The following GUCY1A2 variants were observed in gnomAD, a reference collection of about 807,000 sequenced individuals.
The protein encoded by GUCY1A2 is guanylate cyclase soluble subunit alpha-2.
Under a neutral mutation model 63.5 loss-of-function variants are expected in GUCY1A2, and 27 were observed. The observed-to-expected ratio is 0.43, with a 90% CI of 0.31 to 0.59. The LOEUF is 0.59. Ranked by LOEUF, GUCY1A2 falls within the 20% of genes least tolerant of loss-of-function variation. The pLI, the probability that GUCY1A2 is intolerant of heterozygous loss-of-function variation, is 0.11. For synonymous variants in GUCY1A2, 364 were observed against 343.5 expected (o/e 1.06, Z -0.66); for missense variants, 768 against 913.3 (o/e 0.84, Z 2.05).
At chr11:106,726,708 A>G (rs1483254113) in intron 6 of GUCY1A2, among the ~76,000 whole-genome samples, 1 of 152,172 alleles carries the variant, frequency 6.6e-6, no homozygotes, top group Non-Finnish European at 1.5e-5. Flanking sequence ...TAAAGACAAG[A>G]GATAGCATTA....
rs775759278 is a variant in GUCY1A2 at position 106,782,883 on chromosome 11, G to GACAT, written c.1693-6305_1693-6302dup. On this transcript the variant is annotated intron_variant, in intron 5 of 7. Transcript: ENST00000526355. ...CCTCTACTTTTTATCCTTCACTTCA[G>GACAT]ACATACACAGCAACTTGCCACTGTT... is the stretch of plus-strand genomic sequence containing the variant. 1.6e-3 allele frequency among the ~76,000 whole-genome samples: 247 copies of GACAT among 152,244 alleles called. 3 individuals are homozygous for GACAT. The highest frequency in any genetic ancestry group is 1.5e-3 in the East Asian group (8 of 5,178).
At chr11:106,736,897 T>C (rs1447306957) in intron 6 of GUCY1A2, among the ~76,000 whole-genome samples, 3 of 152,160 alleles carry the variant, frequency 2.0e-5, no homozygotes, top group Non-Finnish European at 4.4e-5. Flanking sequence ...TGCTTGTTTC[T>C]GATGATCAGG....
At chr11:106,976,888 C>T (rs187489994) in intron 3 of GUCY1A2, among the ~76,000 whole-genome samples, 6 of 152,226 alleles carry the variant, frequency 3.9e-5, no homozygotes, top group Admixed American at 3.3e-4. Context: ...GGGCAACCTT[C>T]GAAGGGCAAC....
intron 4 of GUCY1A2, among the ~76,000 whole-genome samples, chr11:106,877,259 T>A (rs568202495): frequency 4.7e-4 from 71 of 152,078 alleles, no homozygotes; most frequent in Non-Finnish European, 8.2e-4. Flanking sequence ...GATCAAGTCA[T>A]CTGCAAACAG....
chr11:106,876,094 C>G (rs1859744900), intron 4 of GUCY1A2, among the ~76,000 whole-genome samples: 1 of 151,874 alleles, frequency 6.6e-6, no homozygotes, highest in African/African-American at 2.4e-5. Flanking sequence ...GTATCTTCCC[C>G]CTTGGAAGAA....
intron 4 of GUCY1A2, among the ~76,000 whole-genome samples, chr11:106,925,683 C>T (rs943415487): frequency 3.9e-5 from 6 of 152,128 alleles, no homozygotes; most frequent in African/African-American, 1.4e-4. Context: ...GATAAGCAAT[C>T]TTGAGACTCC....
In GUCY1A2 at chr11:106,687,475, T is replaced by G; in HGVS notation, c.*74A>C. 1 of 1,065,680 alleles carries G rather than the reference T, an allele frequency of 9.4e-7. No individual in the cohort carries two copies. Among genetic ancestry groups the G allele is most frequent in the South Asian group, 1.3e-5 (1 of 76,496 alleles). 66.0% of individuals were successfully genotyped at this position (1,065,680 alleles called of 1,614,324 possible). A position where few individuals can be genotyped will look rare whatever the true frequency, so the allele number is the denominator to read the frequency against. On this transcript the variant is annotated 3_prime_UTR_variant, in exon 8 of 8. Coordinates refer to ENST00000526355, the MANE Select transcript of GUCY1A2 (RefSeq NM_000855.3). ...ACAAAGCAATGAAAGAGACACAATC[T>G]CTTTCCACCCCCCATTGGTGACCCA... is the stretch of plus-strand genomic sequence containing the variant.
At chr11:106,920,804 T>C (rs1006414910) in intron 4 of GUCY1A2, among the ~76,000 whole-genome samples, 1 of 152,102 alleles carries the variant, frequency 6.6e-6, no homozygotes, top group Non-Finnish European at 1.5e-5. Flanking sequence ...AAAATCATAT[T>C]TCCTTTTTAA....
At chr11:106,983,992 C>A (rs902117890) in intron 2 of GUCY1A2, among the ~76,000 whole-genome samples, 1 of 152,032 alleles carries the variant, frequency 6.6e-6, no homozygotes, top group Non-Finnish European at 1.5e-5. Flanking sequence ...GCTCTGCTTT[C>A]TTGATTGTGA....
intron 4 of GUCY1A2, among the ~76,000 whole-genome samples, chr11:106,818,656 G>C (rs1858861701): frequency 1.3e-5 from 2 of 152,112 alleles, no homozygotes; most frequent in Non-Finnish European, 2.9e-5. Flanking sequence ...CATGTCGAAA[G>C]CTGAGATAAG....
chr11:106,975,804 C>A (rs1163831250), intron 3 of GUCY1A2, among the ~76,000 whole-genome samples: 2 of 152,064 alleles, frequency 1.3e-5, no homozygotes. Context: ...CCCAGGGAGT[C>A]CCATGGAAGA....
At chr11:106,725,091 T>C (rs1863381476) in intron 6 of GUCY1A2, among the ~76,000 whole-genome samples, 1 of 151,828 alleles carries the variant, frequency 6.6e-6, no homozygotes, top group South Asian at 2.1e-4. Flanking sequence ...ATCCTTTATT[T>C]TGGTAGAGAA....
rs1007924617 is a variant in GUCY1A2, at chr11:106,678,135, C to T, written c.*9414G>A. ...AATTAAAGAATTTTTCTAAAAGTCC[C>T]CCTGAATTACTTTAGATAATTATAC... On this transcript the variant is annotated 3_prime_UTR_variant, in exon 8 of 8. Transcript: ENST00000526355. The T allele has an allele frequency of 1.4e-4, 27 of 197,014 alleles. No individual in the cohort carries two copies. Among genetic ancestry groups the T allele is most frequent in the Non-Finnish European group, 2.3e-4 (22 of 95,024 alleles). The allele number at this position is 197,014 out of a possible 1,614,324, so 12.2% of individuals were successfully genotyped here. A position where few individuals can be genotyped will look rare whatever the true frequency, so the allele number is the denominator to read the frequency against.
intron 6 of GUCY1A2, among the ~76,000 whole-genome samples, chr11:106,772,478 A>T (rs1864275130): frequency 6.6e-6 from 1 of 152,202 alleles, no homozygotes; most frequent in African/African-American, 2.4e-5. Flanking sequence ...ATGAAAAATA[A>T]TCCCAAATCA....
At chr11:106,691,583 A>AAAGAAGAT (rs1862626256) in intron 7 of GUCY1A2, among the ~76,000 whole-genome samples, 1 of 152,200 alleles carries the variant, frequency 6.6e-6, no homozygotes, top group Non-Finnish European at 1.5e-5. Context: ...TAAATGACTG[A>AAAGAAGAT]AAGAAGATGG....
chr11:106,944,271 C>G (rs72994113), intron 3 of GUCY1A2, among the ~76,000 whole-genome samples: 28,908 of 126,218 alleles, frequency 0.23, 3,175 homozygotes, highest in African/African-American at 0.28. Flanking sequence ...ATGCCTAAAC[C>G]CTGTCTTTAC....
At chr11:106,971,412 C>A (rs1303521172) in intron 3 of GUCY1A2, among the ~76,000 whole-genome samples, 2 of 152,016 alleles carry the variant, frequency 1.3e-5, no homozygotes, top group Non-Finnish European at 2.9e-5. Context: ...CTACATACTC[C>A]CAAACTGCCC....
At chr11:106,888,265 T>C (rs972677947) in intron 4 of GUCY1A2, among the ~76,000 whole-genome samples, 1 of 151,574 alleles carries the variant, frequency 6.6e-6, no homozygotes, top group Admixed American at 6.6e-5. Context: ...GAGACCATCC[T>C]GGCTAACACC....
intron 4 of GUCY1A2, among the ~76,000 whole-genome samples, chr11:106,839,375 A>T (rs1016181165): frequency 1.3e-5 from 2 of 151,944 alleles, no homozygotes; most frequent in African/African-American, 4.8e-5. Context: ...GCTGGAGGGG[A>T]CGTGGAGAAA....
Sources: allele counts gnomAD v4.1 joint callset (sites outside exome capture counted in the v4.1 genomes callset), GRCh38; gene constraint gnomAD v4.1.1; transcripts MANE v1.5; gene names NCBI Gene and HGNC (gene_info 2026-07-23, HGNC 2026-07-21).